The following PCDHAC2 variants were observed in gnomAD, a reference collection of about 807,000 sequenced individuals.
The protein encoded by PCDHAC2 is protocadherin alpha-C2.
Under a neutral mutation model 63.3 loss-of-function variants are expected in PCDHAC2, and 24 were observed. The ratio of observed to expected loss-of-function variants is 0.38; its 90% CI spans 0.27 to 0.53. PCDHAC2 has a LOEUF of 0.53. Ranked by LOEUF, PCDHAC2 falls within the 20% of genes least tolerant of loss-of-function variation. The pLI, the probability that PCDHAC2 is intolerant of heterozygous loss-of-function variation, is 0.81. For synonymous variants in PCDHAC2, 569 were observed against 529.4 expected (o/e 1.07, Z -1.03); for missense variants, 1,181 against 1,275.2 (o/e 0.93, Z 1.12).
At chr5:141,002,468 C>G (rs369108082) in intron 3 of PCDHAC2, among the ~76,000 whole-genome samples, 2 of 152,334 alleles carry the variant, frequency 1.3e-5, no homozygotes, top group Middle Eastern at 3.4e-3. Flanking sequence ...AACGCTTTAG[C>G]ATTTTCAAAG....
intron 3 of PCDHAC2, among the ~76,000 whole-genome samples, chr5:140,996,163 A>G (rs183777507): frequency 4.8e-4 from 73 of 152,326 alleles, no homozygotes; most frequent in African/African-American, 1.5e-3. Flanking sequence ...TTATACTGCA[A>G]TGTGCTGACA....
chr5:140,983,897 G>A (rs155365), intron 3 of PCDHAC2, among the ~76,000 whole-genome samples: 149,305 of 152,360 alleles, frequency 0.98, 73,183 homozygotes, highest in Middle Eastern at 1. Flanking sequence ...AAGGGCATTC[G>A]TTGATTCTAA....
Position 140,967,156 on chromosome 5 carries a change from G to T in PCDHAC2, c.390G>T (p.Ala130=). ...AAGTGCTGGCGCACAACCCCGTGGC[G>T]GTGAGCGCCGTTGAGGTGGAAATAT... is the stretch of plus-strand genomic sequence containing the variant. ...SLEVLAHNPV[A]VSAVEVEILD... The change falls in exon 1 of 4, where the codon GCG becomes GCT. Residue 130 remains alanine, a synonymous_variant. Coordinates refer to ENST00000289269, the MANE Select transcript of PCDHAC2 (RefSeq NM_018899.6). 6.2e-7 allele frequency: 1 copy of T among 1,610,540 alleles called. No individual in the cohort carries two copies. Among genetic ancestry groups the T allele is most frequent in the Non-Finnish European group, 8.5e-7 (1 of 1,177,436 alleles).
In PCDHAC2 at chr5:140,981,033, G is replaced by GA. The variant is rs148859655; in HGVS notation, c.2625-1434dup. ...CACTTGAAGGCTGTTAATATTTGGG[G>GA]AAAAAAAACAGATAATTCTAGAGTG... On this transcript the variant is annotated intron_variant, in intron 2 of 3. Transcript: ENST00000289269. 8.2e-3 allele frequency among the ~76,000 whole-genome samples: 1,241 copies of GA among 151,610 alleles called. 19 individuals are homozygous for GA. Among genetic ancestry groups the GA allele is most frequent in the African/African-American group, 0.027 (1,115 of 41,338 alleles).
intron 3 of PCDHAC2, among the ~76,000 whole-genome samples, chr5:140,991,573 G>C (rs1406319253): frequency 2.0e-5 from 3 of 152,036 alleles, no homozygotes; most frequent in Non-Finnish European, 4.4e-5. Context: ...CCAATAACAG[G>C]CTCCTTATTT....
At chr5:140,982,807 G>A (rs2097006971) in intron 3 of PCDHAC2, among the ~76,000 whole-genome samples, 2 of 152,048 alleles carry the variant, frequency 1.3e-5, no homozygotes, top group South Asian at 4.1e-4. Flanking sequence ...GTGTGTGTGT[G>A]TGTATGAAGT....
chr5:140,966,755 C>G lies in PCDHAC2; in HGVS notation c.-12C>G. The G allele has an allele frequency of 2.8e-6, 4 of 1,434,520 alleles. No individual in the cohort carries two copies. The highest frequency in any genetic ancestry group is 1.8e-6 in the Non-Finnish European group (2 of 1,098,978). The allele number at this position is 1,434,520 out of a possible 1,614,324, so 88.9% of individuals were successfully genotyped here. ...CGGCCCTGCCCGGCTGCCTCCGCCG[C>G]GGCCAGTGGCTATGGAGCAGGCGGG... is the stretch of plus-strand genomic sequence containing the variant. On this transcript the variant is annotated 5_prime_UTR_variant, in exon 1 of 4. Coordinates refer to ENST00000289269, the MANE Select transcript of PCDHAC2 (RefSeq NM_018899.6).
intron 1 of PCDHAC2, among the ~76,000 whole-genome samples, chr5:140,975,757 A>G (rs779490429): frequency 6.6e-5 from 10 of 152,234 alleles, no homozygotes; most frequent in South Asian, 2.1e-4. Flanking sequence ...ATTCTATGTC[A>G]TAAATCACAG....
chr5:141,000,392 T>TATAA (rs2097913276), intron 3 of PCDHAC2, among the ~76,000 whole-genome samples: 1 of 62,986 alleles, frequency 1.6e-5, no homozygotes, highest in African/African-American at 7.3e-5. Context: ...TCTCTCTCTC[T>TATAA]CTCTATATAT....
chr5:140,971,702 T>G (rs1411821487), intron 1 of PCDHAC2, among the ~76,000 whole-genome samples: 6 of 152,138 alleles, frequency 3.9e-5, no homozygotes, highest in African/African-American at 1.4e-4. Flanking sequence ...CTAACCACCC[T>G]GCTATATAGA....
rs142898054 is a variant in PCDHAC2 at position 140,967,236 on chromosome 5, T to C, written c.470T>C (p.Val157Ala). 53 of 1,613,562 alleles carry C rather than the reference T, an allele frequency of 3.3e-5. No homozygotes were observed. Among genetic ancestry groups the C allele is most frequent in the Non-Finnish European group, 4.2e-5 (49 of 1,179,908 alleles). Residue 157 changes from valine (V) to alanine (A), a missense_variant, in exon 1 of 4, where the codon GTA (valine) becomes GCA (alanine). Val to Ala is a moderately conservative substitution (Grantham distance 64, BLOSUM62 0). This residue lies in a region of PCDHAC2 where 968 missense variants were observed against 1,073.5 expected (regional missense o/e 0.90). Transcript: ENST00000289269. Reference protein sequence around the residue: ...RFPRPNYQLQVSESVAPGARF... With the variant: ...RFPRPNYQLQASESVAPGARF... ...CCGCGGCCCAACTACCAGCTTCAGG[T>C]AAGCGAATCGGTGGCGCCTGGAGCG... is the stretch of plus-strand genomic sequence containing the variant.
Position 140,968,886 on chromosome 5 carries a change from A to T in PCDHAC2, c.2120A>T (p.Tyr707Phe). 1 of 1,614,186 alleles carries T rather than the reference A, an allele frequency of 6.2e-7. No individual in the cohort carries two copies. Among genetic ancestry groups the T allele is most frequent in the Non-Finnish European group, 8.5e-7 (1 of 1,180,034 alleles). Residue 707 changes from tyrosine (Y) to phenylalanine (F), a missense_variant, in exon 1 of 4, where the codon TAT becomes TTT. Transcript: ENST00000289269. ...SPRTYSEITL[Y>F]LIIALSTVSF... ...CGGACATACTCTGAAATTACCCTTTATCTAATAATAGCATTAAGCACAGTG... is the reference window on the plus strand; with the variant it reads ...CGGACATACTCTGAAATTACCCTTTTTCTAATAATAGCATTAAGCACAGTG...
intron 3 of PCDHAC2, 75 bp from the exon 4 acceptor site, chr5:141,009,552 C>T: frequency 6.4e-7 from 1 of 1,562,176 alleles, no homozygotes; most frequent in Non-Finnish European, 8.7e-7. Context: ...TGCAGTACTC[C>T]TGTACTCTAC....
At chr5:140,988,828 A>C (rs1554250455) in intron 3 of PCDHAC2, 1 of 152,170 alleles carries the variant, frequency 6.6e-6, no homozygotes, top group Non-Finnish European at 1.5e-5. Flanking sequence ...CCAAACAGAG[A>C]TCACGTGTCT....
At chr5:140,973,400 A>G (rs2096585870) in intron 1 of PCDHAC2, among the ~76,000 whole-genome samples, 1 of 152,244 alleles carries the variant, frequency 6.6e-6, no homozygotes, top group Non-Finnish European at 1.5e-5. Flanking sequence ...AATCATATCT[A>G]TGAGCTTCCA....
In PCDHAC2 at chr5:140,966,539, T is replaced by C; in HGVS notation, c.-228T>C. On this transcript the variant is annotated 5_prime_UTR_variant, in exon 1 of 4. Coordinates refer to ENST00000289269, the MANE Select transcript of PCDHAC2 (RefSeq NM_018899.6). ...AGGAAGCCGAGCCGGGTTGAGCGAC[T>C]CGGAGGCGAGCGGAGGAGCTGGAAT... 2.2e-6 allele frequency: 1 copy of C among 462,182 alleles called. No individual in the cohort carries two copies. The highest frequency in any genetic ancestry group is 5.8e-5 in the South Asian group (1 of 17,318). The allele number at this position is 462,182 out of a possible 1,614,324, so 28.6% of individuals were successfully genotyped here. A position where few individuals can be genotyped will look rare whatever the true frequency, so the allele number is the denominator to read the frequency against.
At chr5:141,007,677 T>C (rs2098339934) in intron 3 of PCDHAC2, among the ~76,000 whole-genome samples, 1 of 152,158 alleles carries the variant, frequency 6.6e-6, no homozygotes, top group South Asian at 2.1e-4. Flanking sequence ...AGACAAAAGT[T>C]ATCCTACTTC....
chr5:140,969,195 A>G lies in PCDHAC2; in HGVS notation c.2429A>G (p.Asn810Ser). 1 of 1,614,158 alleles carries G rather than the reference A, an allele frequency of 6.2e-7. No individual in the cohort carries two copies. Among genetic ancestry groups the G allele is most frequent in the Non-Finnish European group, 8.5e-7 (1 of 1,180,022 alleles). ...GGGAGTGACACTTTCATGTTTTACA[A>G]TACAGGGGCCCAGACAGGACCAGGG... ...GSGSDTFMFY[N>S]TGAQTGPGPS... is the part of the protein sequence containing the mutation. The change falls in exon 1 of 4, where the codon AAT becomes AGT. Residue 810 changes from asparagine to serine, a missense_variant. Around this residue, in one of 3 missense-constraint regions of PCDHAC2, gnomAD observed 968 missense variants for 1,073.5 expected, o/e 0.90. Coordinates refer to ENST00000289269, the MANE Select transcript of PCDHAC2 (RefSeq NM_018899.6).
At chr5:140,972,797 G>A (rs1563419152) in intron 1 of PCDHAC2, among the ~76,000 whole-genome samples, 3 of 151,664 alleles carry the variant, frequency 2.0e-5, no homozygotes, top group Admixed American at 2.0e-4. Flanking sequence ...CTGAGTAGCT[G>A]AGATTACAGG....
Sources: gnomAD v4.1 joint callset for allele counts (sites outside exome capture counted in the v4.1 genomes callset) on GRCh38, gnomAD v4.1.1 for gene constraint, gnomAD v4.1.1 regional missense constraint, MANE v1.5 for transcripts, NCBI Gene and HGNC (gene_info 2026-07-23, HGNC 2026-07-21) for gene names.